Variants in DUSP14 observed in about 807,000 individuals in gnomAD.
DUSP14 encodes dual specificity protein phosphatase 14.
A neutral mutation model predicts 13.2 loss-of-function variants in DUSP14; 5 were observed. The ratio of observed to expected loss-of-function variants is 0.38; its 90% CI spans 0.20 to 0.80. The LOEUF is 0.80. DUSP14 is among the 30% of genes least tolerant of loss of function. The probability of loss-of-function intolerance (pLI) is 0.44; values close to 1 mark genes in which losing one functional copy is unlikely to be tolerated. For missense variants in DUSP14, 185 were observed against 264.0 expected (o/e 0.70, Z 2.07); for synonymous variants, 91 against 103.4 (o/e 0.88, Z 0.73).
intron 1 of DUSP14, among the ~76,000 whole-genome samples, chr17:37,509,282 TATATATATATATATAG>T (rs1568204758): frequency 1.2e-4 from 4 of 33,014 alleles, no homozygotes; most frequent in Admixed American, 3.3e-4. Flanking sequence ...TATATATATA[TATATATATATATATAG>T]TGTGTGTGTG....
At chr17:37,494,604 T>A (rs1226745648) in intron 1 of DUSP14, among the ~76,000 whole-genome samples, 2 of 151,602 alleles carry the variant, frequency 1.3e-5, no homozygotes, top group Non-Finnish European at 1.5e-5. Flanking sequence ...TGAGAGAGAG[T>A]GAGAGAATGT....
chr17:37,501,501 C>T (rs1197664438), intron 1 of DUSP14, among the ~76,000 whole-genome samples: 1 of 152,014 alleles, frequency 6.6e-6, no homozygotes, highest in Non-Finnish European at 1.5e-5. Context: ...AGAATAGCCC[C>T]CATTCCAAGT....
intron 1 of DUSP14, among the ~76,000 whole-genome samples, chr17:37,493,786 A>G (rs537643928): frequency 3.3e-5 from 5 of 152,014 alleles, no homozygotes; most frequent in Non-Finnish European, 7.4e-5. Context: ...TCTTGAATGA[A>G]TCCTGCCTCT....
Position 37,512,368 on chromosome 17 carries a change from C to G in DUSP14, c.96C>G (p.Ser32=), listed in dbSNP as rs752177423. ...GDIGGIAQIT[S]SLFLGRGSVA... is the part of the protein sequence containing the mutation. ...TAGGAGGCATTGCTCAAATCACCTC[C>G]TCTCTATTCCTGGGCAGAGGCAGTG... The change falls in exon 3 of 3, where the codon TCC becomes TCG. Residue 32 remains serine, a synonymous_variant. Transcript: ENST00000617516. This position sits in a 1 kb window ranked among gnomAD's most constrained non-coding sequence, Gnocchi z 4.8. 17 of 1,614,142 alleles carry G rather than the reference C, an allele frequency of 1.1e-5. No individual in the cohort carries two copies. Among genetic ancestry groups the G allele is most frequent in the Non-Finnish European group, 1.4e-5 (17 of 1,180,012 alleles).
rs369750334 is a variant in DUSP14, at chr17:37,512,901, G to A, written c.*32G>A. 2.8e-4 allele frequency: 435 copies of A among 1,558,664 alleles called. No homozygotes were observed. The highest frequency in any genetic ancestry group is 3.6e-4 in the Non-Finnish European group (412 of 1,142,466). ...TGAAGCCTGCGTCAGCAGCCCGAGC[G>A]GGGCCGGCATCTGCTCCCCGCCGTC... On this transcript the variant is annotated 3_prime_UTR_variant, in exon 3 of 3. Coordinates refer to ENST00000617516, the MANE Select transcript of DUSP14 (RefSeq NM_007026.4). The surrounding 1 kb of genome is among the most constrained non-coding windows in gnomAD (Gnocchi z 4.8).
intron 1 of DUSP14, among the ~76,000 whole-genome samples, chr17:37,508,974 A>G (rs1306773059): frequency 6.9e-6 from 1 of 145,292 alleles, no homozygotes; most frequent in Admixed American, 6.9e-5. Flanking sequence ...CAGTAGGTGA[A>G]TGGATAAACA....
In DUSP14 at chr17:37,489,900, G is replaced by C. The variant is rs1228365978; in HGVS notation, c.-239G>C. On this transcript the variant is annotated 5_prime_UTR_variant, in exon 1 of 3. Coordinates refer to ENST00000617516, the MANE Select transcript of DUSP14 (RefSeq NM_007026.4). ...GCGCGGCGCCCAGCCCGCAGAAGCC[G>C]GTGGCCGCGCAGGAGGACGGAGCCC... The C allele has an allele frequency of 6.8e-6, 1 of 146,908 alleles. No individual in the cohort carries two copies. The highest frequency in any genetic ancestry group is 1.5e-5 in the Non-Finnish European group (1 of 66,402). The allele number at this position is 146,908 out of a possible 1,614,324, so 9.1% of individuals were successfully genotyped here. A position where few individuals can be genotyped will look rare whatever the true frequency, so the allele number is the denominator to read the frequency against.
At chr17:37,493,994 CTT>C (rs1250993098) in intron 1 of DUSP14, among the ~76,000 whole-genome samples, 29 of 140,030 alleles carry the variant, frequency 2.1e-4, no homozygotes, top group Admixed American at 2.9e-4. Context: ...CTCTTTTAAA[CTT>C]TTTTTTTTTT....
At chr17:37,500,068 C>T (rs753307662) in intron 1 of DUSP14, among the ~76,000 whole-genome samples, 4 of 152,244 alleles carry the variant, frequency 2.6e-5, no homozygotes, top group Non-Finnish European at 5.9e-5. Context: ...GCGGGCATGG[C>T]CTTCGCCAGT....
At chr17:37,504,021 C>G (rs954836801) in intron 1 of DUSP14, among the ~76,000 whole-genome samples, 3 of 152,120 alleles carry the variant, frequency 2.0e-5, no homozygotes, top group African/African-American at 7.2e-5. Context: ...TGGTGAAACC[C>G]TGTCTCTACT....
upstream of DUSP14, among the ~76,000 whole-genome samples, chr17:37,489,658 G>C (rs946340022): frequency 1.3e-5 from 2 of 151,942 alleles, no homozygotes; most frequent in Admixed American, 6.5e-5. Context: ...GGACCTGCAC[G>C]GAGGAGCGCT....
At chr17:37,507,573 C>T (rs1170424992) in intron 1 of DUSP14, among the ~76,000 whole-genome samples, 7 of 152,186 alleles carry the variant, frequency 4.6e-5, no homozygotes, top group Non-Finnish European at 8.8e-5. Context: ...TTGGCTCAGC[C>T]TCCCTACTAG....
intron 1 of DUSP14, among the ~76,000 whole-genome samples, chr17:37,495,668 G>GTTTTTTTA (rs578207335): frequency 6.8e-5 from 10 of 148,056 alleles, no homozygotes; most frequent in Non-Finnish European, 1.5e-4. Context: ...TTGTTTTTTT[G>GTTTTTTTA]TTTTTTTTTT....
At chr17:37,509,087 CAA>C (rs71135734) in intron 1 of DUSP14, among the ~76,000 whole-genome samples, 75 of 31,206 alleles carry the variant, frequency 2.4e-3, no homozygotes, top group African/African-American at 0.011. Context: ...GAAGCCAGAC[CAA>C]AAAAAAAAAA....
At chr17:37,495,521 T>G (rs535203448) in intron 1 of DUSP14, among the ~76,000 whole-genome samples, 1 of 152,308 alleles carries the variant, frequency 6.6e-6, no homozygotes, top group African/African-American at 2.4e-5. Context: ...TGGGTACATA[T>G]GAGAAAACTC....
chr17:37,506,392 A>G (rs1387893581), intron 1 of DUSP14, among the ~76,000 whole-genome samples: 1 of 151,440 alleles, frequency 6.6e-6, no homozygotes, highest in Non-Finnish European at 1.5e-5. Context: ...CCAGGAAAAT[A>G]TTTTTTCCTC....
intron 1 of DUSP14, among the ~76,000 whole-genome samples, chr17:37,504,805 T>C (rs1183684913): frequency 6.6e-6 from 1 of 152,166 alleles, no homozygotes; most frequent in Non-Finnish European, 1.5e-5. Context: ...GGTCTTAAAC[T>C]CTTGGGTTTA....
intron 1 of DUSP14, among the ~76,000 whole-genome samples, chr17:37,495,322 G>A (rs1597966704): frequency 6.6e-6 from 1 of 152,200 alleles, no homozygotes; most frequent in Non-Finnish European, 1.5e-5. Context: ...CCAGAGGTCC[G>A]GTTGGGTCAG....
chr17:37,511,157 G>A (rs1384973053), intron 2 of DUSP14, among the ~76,000 whole-genome samples: 1 of 152,160 alleles, frequency 6.6e-6, no homozygotes, highest in Non-Finnish European at 1.5e-5. Flanking sequence ...GTCAGGTCAG[G>A]TAAAATGCTC....
Sources: allele counts gnomAD v4.1 joint callset (sites outside exome capture counted in the v4.1 genomes callset), GRCh38; gene constraint gnomAD v4.1.1; non-coding constraint Gnocchi (gnomAD v3.1); transcripts MANE v1.5; gene names NCBI Gene and HGNC (gene_info 2026-07-23, HGNC 2026-07-21).